The following DPP6 variants were observed in gnomAD, a reference collection of about 807,000 sequenced individuals.
The protein encoded by DPP6 is A-type potassium channel modulatory protein DPP6.
In DPP6, 69 loss-of-function variants were observed where a neutral mutation model predicts 122.6. The observed-to-expected ratio is 0.56, with a 90% confidence interval of 0.46 to 0.69. The LOEUF is 0.69. Ranked by LOEUF, DPP6 falls within the 30% of genes least tolerant of loss-of-function variation. The pLI is 0.00. For missense variants in DPP6, 928 were observed against 1,116.9 expected, an observed-to-expected ratio of 0.83 and a Z score of 2.41; for synonymous variants, 418 against 433.1, an observed-to-expected ratio of 0.97 and a Z score of 0.43.
At position 154,748,992 on chromosome 7, in the gene DPP6, G is replaced by A. The variant is rs536952797; in HGVS notation, c.884-20425G>A. ...GAAAGGGATGGGGGCTTTACTGAGA[G>A]AGGGTGAGGGAGGATAGGACGGGAC... On this transcript the variant is annotated intron_variant, in intron 8 of 25. Transcript: ENST00000377770. Among the ~76,000 whole-genome samples, 5 of 152,338 alleles carry A rather than the reference G, an allele frequency of 3.3e-5. No homozygotes were observed. The South Asian group carries it at 1.0e-3, about 32-fold the overall frequency.
intron 1 of DPP6, among the ~76,000 whole-genome samples, chr7:153,966,415 G>A (rs1232045622): frequency 6.7e-6 from 1 of 149,418 alleles, no homozygotes; most frequent in African/African-American, 2.5e-5. Context: ...GTGAAAGAGA[G>A]AGAAGGGTCT....
intron 1 of DPP6, among the ~76,000 whole-genome samples, chr7:154,424,218 GA>G (rs2151235904): frequency 6.6e-6 from 1 of 152,304 alleles, no homozygotes; most frequent in South Asian, 2.1e-4. Context: ...TGTCTGTAAA[GA>G]AAGAAAAGTG....
Position 154,431,536 on chromosome 7 carries a change from T to TTC in DPP6, c.244-14677_244-14676insCT, listed in dbSNP as rs1491005742. 1.3e-3 allele frequency among the ~76,000 whole-genome samples: 18 copies of TTC among 13,912 alleles called. 1 individual carries two copies. The highest frequency in any genetic ancestry group is 4.3e-3 in the East Asian group (4 of 930). 9.1% of individuals were successfully genotyped at this position (13,912 alleles called of 152,430 possible). On this transcript the variant is annotated intron_variant, in intron 1 of 25. Coordinates refer to ENST00000377770, the MANE Select transcript of DPP6 (RefSeq NM_130797.4). The stretch of plus-strand genomic sequence containing the variant: ...TTTTATTATTTCTTTCTTTCTTTCT[T>TTC]TTTTTTTTTTTTTTTGAGATGGAAT...
intron 16 of DPP6, among the ~76,000 whole-genome samples, chr7:154,819,912 G>C (rs1799653278): frequency 6.6e-6 from 1 of 152,234 alleles, no homozygotes; most frequent in Admixed American, 6.5e-5. Context: ...ACCTGTCAGA[G>C]TAGATGCTGC....
intron 1 of DPP6, among the ~76,000 whole-genome samples, chr7:154,298,366 T>C (rs924078585): frequency 2.6e-5 from 4 of 152,086 alleles, no homozygotes; most frequent in Non-Finnish European, 4.4e-5. Context: ...CAGTGGGGGA[T>C]CTACTCCTTA....
intron 5 of DPP6, among the ~76,000 whole-genome samples, chr7:154,621,958 C>T (rs1586751669): frequency 6.6e-6 from 1 of 152,152 alleles, no homozygotes; most frequent in Non-Finnish European, 1.5e-5. Context: ...ATTTTAGGAG[C>T]TTTGTGATTC....
chr7:154,352,891 A>G (rs1173307877), intron 1 of DPP6, among the ~76,000 whole-genome samples: 1 of 152,252 alleles, frequency 6.6e-6, no homozygotes, highest in Non-Finnish European at 1.5e-5. Flanking sequence ...TTAATAAGGC[A>G]TGCTTTAATT....
intron 1 of DPP6, among the ~76,000 whole-genome samples, chr7:153,964,995 CCTTT>C (rs759772510): frequency 0.051 from 2,809 of 55,330 alleles, 282 homozygotes; most frequent in African/African-American, 0.15. Flanking sequence ...TTCCTTCCTT[CCTTT>C]CTTCCTTCCT....
chr7:154,716,460 C>T (rs572493190), intron 7 of DPP6, among the ~76,000 whole-genome samples: 1 of 152,180 alleles, frequency 6.6e-6, no homozygotes, highest in Non-Finnish European at 1.5e-5. Context: ...AGAGTTCTCC[C>T]TTCAACTCTC....
chr7:154,695,924 C>G (rs1342610671), intron 7 of DPP6, among the ~76,000 whole-genome samples: 1 of 152,162 alleles, frequency 6.6e-6, no homozygotes, highest in Non-Finnish European at 1.5e-5. Flanking sequence ...AGACACCTCC[C>G]CGAAAGCCAC....
At chr7:154,511,937 T>C (rs1826125012) in intron 3 of DPP6, among the ~76,000 whole-genome samples, 1 of 152,216 alleles carries the variant, frequency 6.6e-6, no homozygotes, top group Non-Finnish European at 1.5e-5. Context: ...GTTTTCTAGA[T>C]GTGTGCTGGA....
At chr7:154,779,304 C>T in intron 10 of DPP6, among the ~76,000 whole-genome samples, 6 of 145,156 alleles carry the variant, frequency 4.1e-5, no homozygotes, top group South Asian at 2.3e-4. Context: ...ACTATCACCA[C>T]CACCCCCACC....
intron 1 of DPP6, among the ~76,000 whole-genome samples, chr7:153,970,379 T>C (rs748395233): frequency 2.0e-5 from 3 of 152,202 alleles, no homozygotes; most frequent in Non-Finnish European, 4.4e-5. Context: ...TTGTAAGATC[T>C]CTAAATATAT....
rs1476359379 is a variant in DPP6, at chr7:154,414,152, A to T, written c.244-32062A>T. Among the ~76,000 whole-genome samples, 3 of 152,178 alleles carry T rather than the reference A, an allele frequency of 2.0e-5. No individual in the cohort carries two copies. In the East Asian group the frequency reaches 5.8e-4, roughly 29 times the overall value. On this transcript the variant is annotated intron_variant, in intron 1 of 25. Coordinates refer to ENST00000377770, the MANE Select transcript of DPP6 (RefSeq NM_130797.4). ...AACTTTTGCTCTTCAATCGGCCATCATTACGGGAATATTGGCTTCCAATTT... is the reference window on the plus strand; with the variant it reads ...AACTTTTGCTCTTCAATCGGCCATCTTTACGGGAATATTGGCTTCCAATTT...
chr7:153,828,860 C>T, the DPP6 span, among the ~76,000 whole-genome samples: 2 of 152,130 alleles, frequency 1.3e-5, no homozygotes, highest in African/African-American at 2.4e-5. Flanking sequence ...TTTTAAAAAT[C>T]TGCTTATAAA....
intron 1 of DPP6, among the ~76,000 whole-genome samples, chr7:154,200,839 A>G (rs1315593954): frequency 6.6e-6 from 1 of 152,218 alleles, no homozygotes; most frequent in East Asian, 1.9e-4. Flanking sequence ...GAAGCTCTGT[A>G]TTAATTGAAC....
chr7:154,022,347 GT>G (rs1798744157), intron 1 of DPP6, among the ~76,000 whole-genome samples: 1 of 152,260 alleles, frequency 6.6e-6, no homozygotes, highest in Non-Finnish European at 1.5e-5. Flanking sequence ...CAGATAGATG[GT>G]TTATGGCATG....
At chr7:154,597,676 G>A (rs10263481) in intron 5 of DPP6, among the ~76,000 whole-genome samples, 88,275 of 151,422 alleles carry the variant, frequency 0.58, 26,086 homozygotes, top group East Asian at 0.69. Flanking sequence ...TACAGACTGG[G>A]CGTCTTCAAC....
chr7:153,798,008 A>T, the DPP6 span, among the ~76,000 whole-genome samples: 18 of 151,990 alleles, frequency 1.2e-4, no homozygotes, highest in Middle Eastern at 3.4e-3. Flanking sequence ...TGCCCAGCTA[A>T]TTTTTTTGTA....
Sources: allele counts gnomAD v4.1 joint callset (sites outside exome capture counted in the v4.1 genomes callset), GRCh38; gene constraint gnomAD v4.1.1; transcripts MANE v1.5; gene names NCBI Gene and HGNC (gene_info 2026-07-23, HGNC 2026-07-21).